The following SLC4A4 variants were observed in gnomAD, a reference collection of about 807,000 sequenced individuals.
SLC4A4 encodes solute carrier family 4 member 4.
Under a neutral mutation model 111.5 loss-of-function variants are expected in SLC4A4, and 27 were observed. The ratio of observed to expected loss-of-function variants is 0.24; its 90% CI spans 0.18 to 0.33. The LOEUF (loss-of-function observed/expected upper bound fraction) is 0.33. Among genes scored for constraint, SLC4A4 ranks in the 10% least tolerant of loss-of-function variants. The pLI is 1.00. For missense variants in SLC4A4, 909 were observed against 1,315.5 expected (o/e 0.69, Z 4.78); for synonymous variants, 443 against 463.4 (o/e 0.96, Z 0.57).
intron 7 of SLC4A4, among the ~76,000 whole-genome samples, chr4:71,427,084 T>C (rs1389195368): frequency 6.6e-6 from 1 of 152,126 alleles, no homozygotes; most frequent in Non-Finnish European, 1.5e-5. Context: ...TTTTTCACAA[T>C]GTGAACACAC....
intron 7 of SLC4A4, among the ~76,000 whole-genome samples, chr4:71,406,955 T>C (rs890744416): frequency 1.3e-5 from 2 of 152,190 alleles, no homozygotes; most frequent in African/African-American, 4.8e-5. Context: ...TTGGGGTTGG[T>C]ACTGTCAACT....
At chr4:71,216,014 T>C (rs1718411021) in intron 1 of SLC4A4, among the ~76,000 whole-genome samples, 1 of 145,742 alleles carries the variant, frequency 6.9e-6, no homozygotes, top group Admixed American at 6.9e-5. Flanking sequence ...ATTCAAGCAA[T>C]TCTCCTGTCT....
chr4:71,409,268 G>C (rs564751783), intron 7 of SLC4A4, among the ~76,000 whole-genome samples: 1 of 152,328 alleles, frequency 6.6e-6, no homozygotes, highest in East Asian at 1.9e-4. Flanking sequence ...ACAGTTTGGA[G>C]GTCTCAGAAG....
chr4:71,376,195 A>G (rs562176752), intron 6 of SLC4A4, among the ~76,000 whole-genome samples: 1 of 150,822 alleles, frequency 6.6e-6, no homozygotes. Flanking sequence ...ACACACACAT[A>G]TATATGTGTG....
chr4:71,396,938 G>C (rs1719869383), intron 6 of SLC4A4, among the ~76,000 whole-genome samples: 1 of 152,136 alleles, frequency 6.6e-6, no homozygotes. Context: ...TTTTATTCTG[G>C]CAAATGGGAA....
chr4:71,152,189 G>A (rs959627651), intron 2 of SLC4A4, among the ~76,000 whole-genome samples: 10 of 151,990 alleles, frequency 6.6e-5, no homozygotes, highest in Non-Finnish European at 1.2e-4. Context: ...TTTTCTGTAC[G>A]TCTCTCCTTC....
rs1869254 is a variant in SLC4A4, at chr4:71,233,401, C to T, written c.-1-3175C>T. On this transcript the variant is annotated intron_variant, in intron 1 of 25. Transcript: ENST00000264485. Reference sequence around the variant, plus strand: ...TCTCTTTCCATCTTTCTCAGCCACTCGGTAGCAGTACTCTCCTTTTGTCAC... The same window carrying T: ...TCTCTTTCCATCTTTCTCAGCCACTTGGTAGCAGTACTCTCCTTTTGTCAC... 1,172 of 601,372 alleles carry T rather than the reference C, an allele frequency of 1.9e-3. 13 individuals are homozygous for T. The African/African-American group carries it at 0.022, about 11-fold the overall frequency. 37.3% of individuals were successfully genotyped at this position (601,372 alleles called of 1,614,324 possible). A position where few individuals can be genotyped will look rare whatever the true frequency, so the allele number is the denominator to read the frequency against.
In SLC4A4 at chr4:71,230,153, G is replaced by T. The variant is rs557608437; in HGVS notation, c.-1-6423G>T. On this transcript the variant is annotated intron_variant, in intron 1 of 25. Transcript: ENST00000264485. ...TTAAACATGATTTGAATAGGGAATA[G>T]AACTCAGAAATGTGTGTATGAGTGT... Among the ~76,000 whole-genome samples the T allele has an allele frequency of 5.9e-5, 9 of 152,286 alleles. No homozygotes were observed. The South Asian group carries it at 6.2e-4, about 11-fold the overall frequency.
intron 2 of SLC4A4, among the ~76,000 whole-genome samples, chr4:71,118,553 C>T (rs1381147113): frequency 6.6e-6 from 1 of 151,862 alleles, no homozygotes; most frequent in Non-Finnish European, 1.5e-5. Context: ...TTCCCTTTGC[C>T]TCAAATATAC....
At chr4:71,322,168 G>A (rs1727165002) in intron 3 of SLC4A4, among the ~76,000 whole-genome samples, 1 of 151,850 alleles carries the variant, frequency 6.6e-6, no homozygotes, top group African/African-American at 2.4e-5. Context: ...GAAAGAACAG[G>A]CATCCATGTA....
At position 71,352,806 on chromosome 4, in the gene SLC4A4, G is replaced by A. The variant is rs573534763; in HGVS notation, c.550+2734G>A. On this transcript the variant is annotated intron_variant, in intron 5 of 25. Coordinates refer to ENST00000264485, the MANE Select transcript of SLC4A4 (RefSeq NM_001098484.3). Reference sequence around the variant, plus strand: ...TGTAGAGAAATGAGTCAGATAGAGAGACACTCAGTGACTTCATGAACGGGA... The same window carrying A: ...TGTAGAGAAATGAGTCAGATAGAGAAACACTCAGTGACTTCATGAACGGGA... Among the ~76,000 whole-genome samples the A allele has an allele frequency of 8.9e-4, 136 of 152,294 alleles. 1 individual carries two copies. The highest frequency in any genetic ancestry group is 3.0e-3 in the African/African-American group (124 of 41,558).
chr4:71,332,483 C>T (rs1430207749), intron 3 of SLC4A4, among the ~76,000 whole-genome samples: 1 of 141,948 alleles, frequency 7.0e-6, no homozygotes, highest in Non-Finnish European at 1.5e-5. Context: ...CTCGTTCTGT[C>T]GCCCAGGCGG....
At chr4:71,530,444 G>C (rs1397570103) in intron 16 of SLC4A4, among the ~76,000 whole-genome samples, 1 of 152,090 alleles carries the variant, frequency 6.6e-6, no homozygotes, top group South Asian at 2.1e-4. Context: ...AATGGTGCAG[G>C]AGTTCCAATA....
At chr4:71,085,356 G>A (rs1046804523) in intron 1 of SLC4A4, among the ~76,000 whole-genome samples, 3 of 151,914 alleles carry the variant, frequency 2.0e-5, no homozygotes, top group African/African-American at 7.3e-5. Context: ...TCTGTAGGTT[G>A]CCTGTTCACT....
intron 3 of SLC4A4, among the ~76,000 whole-genome samples, chr4:71,283,048 A>T (rs1408044579): frequency 6.6e-6 from 1 of 152,184 alleles, no homozygotes; most frequent in Non-Finnish European, 1.5e-5. Context: ...TTTTATTATG[A>T]AAATACCTGC....
chr4:71,210,805 G>A (rs1004206064), intron 1 of SLC4A4, among the ~76,000 whole-genome samples: 2 of 152,190 alleles, frequency 1.3e-5, no homozygotes, highest in African/African-American at 4.8e-5. Context: ...TGAAGTGTCT[G>A]TATCTTATTC....
intron 2 of SLC4A4, among the ~76,000 whole-genome samples, chr4:71,116,819 T>C (rs1743280104): frequency 2.6e-5 from 4 of 152,068 alleles, no homozygotes; most frequent in Admixed American, 2.6e-4. Flanking sequence ...GGCACATGCC[T>C]GTAATCCCAG....
rs1028320067 is a variant in SLC4A4, at chr4:71,472,074, T to G, written c.1632-625T>G. Among the ~76,000 whole-genome samples, 10 of 151,886 alleles carry G rather than the reference T, an allele frequency of 6.6e-5. 1 individual carries two copies. Among genetic ancestry groups the G allele is most frequent in the Non-Finnish European group, 1.3e-4 (9 of 67,904 alleles). ...ACAGGCCATCTTGTGCCACGTTATC[T>G]TTTTAACTATTTTTTCCTCTTCCTG... On this transcript the variant is annotated intron_variant, in intron 13 of 25. Transcript: ENST00000264485.
chr4:71,153,434 A>C (rs1256102111), intron 2 of SLC4A4, among the ~76,000 whole-genome samples: 1 of 152,132 alleles, frequency 6.6e-6, no homozygotes. Context: ...GCTTCCTGGA[A>C]GTACTAGGGA....
Sources: allele counts gnomAD v4.1 joint callset (sites outside exome capture counted in the v4.1 genomes callset), GRCh38; gene constraint gnomAD v4.1.1; transcripts MANE v1.5; gene names NCBI Gene and HGNC (gene_info 2026-07-23, HGNC 2026-07-21).